Variants in TNFAIP8 observed in about 807,000 individuals in gnomAD.
TNFAIP8 encodes TNF alpha induced protein 8.
TNFAIP8 carries 7 observed loss-of-function variants against 13.3 expected under a neutral mutation model. That is an observed-to-expected ratio of 0.52 (90% CI 0.30 to 0.99). The LOEUF is 0.99. Among genes scored for constraint, TNFAIP8 ranks in the 50% least tolerant of loss-of-function variants. TNFAIP8 has a pLI of 0.07. For missense variants in TNFAIP8, 258 were observed against 236.9 expected (o/e 1.09, Z -0.58); for synonymous variants, 94 against 87.6 (o/e 1.07, Z -0.41).
At chr5:119,271,203 A>G (rs187711727) in intron 1 of TNFAIP8, among the ~76,000 whole-genome samples, 1 of 152,260 alleles carries the variant, frequency 6.6e-6, no homozygotes, top group East Asian at 1.9e-4. Flanking sequence ...AAATGGAGGA[A>G]AGGGTGTGTG....
intron 1 of TNFAIP8, among the ~76,000 whole-genome samples, chr5:119,349,637 G>A (rs942477413): frequency 6.6e-6 from 1 of 152,090 alleles, no homozygotes; most frequent in African/African-American, 2.4e-5. Flanking sequence ...TTTTAATTAA[G>A]GTCCTTACTG....
At chr5:119,314,222 T>C (rs1250764597) in intron 1 of TNFAIP8, among the ~76,000 whole-genome samples, 2 of 152,222 alleles carry the variant, frequency 1.3e-5, no homozygotes, top group African/African-American at 4.8e-5. Context: ...ATGTCTGTCG[T>C]CTGTTTTGTT....
intron 1 of TNFAIP8, among the ~76,000 whole-genome samples, chr5:119,326,767 G>T (rs1166831318): frequency 6.6e-6 from 1 of 152,168 alleles, no homozygotes; most frequent in African/African-American, 2.4e-5. Flanking sequence ...AGAAAGCAGA[G>T]GAGTGTTTTG....
chr5:119,316,954 C>T (rs984533038), intron 1 of TNFAIP8, among the ~76,000 whole-genome samples: 1 of 152,088 alleles, frequency 6.6e-6, no homozygotes, highest in African/African-American at 2.4e-5. Context: ...ATTATGTGGG[C>T]CAAAATATCA....
At chr5:119,368,454 TGTGTGC>T (rs749196628) in intron 1 of TNFAIP8, among the ~76,000 whole-genome samples, 5,153 of 106,650 alleles carry the variant, frequency 0.048, 103 homozygotes, top group Middle Eastern at 0.086. Context: ...TGTGTGTGTG[TGTGTGC>T]GTGTGTGTGT....
At chr5:119,320,532 C>A (rs895713703) in intron 1 of TNFAIP8, among the ~76,000 whole-genome samples, 1 of 152,146 alleles carries the variant, frequency 6.6e-6, no homozygotes, top group Non-Finnish European at 1.5e-5. Flanking sequence ...GCTGCCCCTC[C>A]CCACTCCACT....
intron 1 of TNFAIP8, among the ~76,000 whole-genome samples, chr5:119,327,890 T>G (rs921217169): frequency 8.5e-5 from 13 of 152,184 alleles, no homozygotes; most frequent in African/African-American, 3.1e-4. Flanking sequence ...AGAGATTAAC[T>G]TGAACTCAGA....
At chr5:119,311,582 G>C (rs1749728641) in intron 1 of TNFAIP8, among the ~76,000 whole-genome samples, 1 of 150,454 alleles carries the variant, frequency 6.6e-6, no homozygotes, top group Admixed American at 6.7e-5. Flanking sequence ...CCAGCTACTT[G>C]GGAGGCTGAG....
intron 1 of TNFAIP8, among the ~76,000 whole-genome samples, chr5:119,320,904 G>A (rs1006930771): frequency 8.6e-5 from 13 of 150,306 alleles, no homozygotes; most frequent in South Asian, 2.1e-4. Flanking sequence ...AACAAAAAAC[G>A]AAAAACAAAA....
At chr5:119,303,406 G>A (rs548118395) in intron 1 of TNFAIP8, among the ~76,000 whole-genome samples, 4 of 152,010 alleles carry the variant, frequency 2.6e-5, no homozygotes, top group African/African-American at 4.8e-5. Context: ...CTCATTCCTG[G>A]TACAGTATGA....
At chr5:119,315,705 C>T (rs969494103) in intron 1 of TNFAIP8, among the ~76,000 whole-genome samples, 5 of 152,100 alleles carry the variant, frequency 3.3e-5, no homozygotes, top group Non-Finnish European at 5.9e-5. Context: ...CTGTTCATGA[C>T]CTTGGAGCTT....
chr5:119,294,455 A>C (rs1749099788), intron 1 of TNFAIP8, among the ~76,000 whole-genome samples: 1 of 152,170 alleles, frequency 6.6e-6, no homozygotes, highest in Admixed American at 6.5e-5. Context: ...ATTGTTGGAC[A>C]TTTGGGTTGG....
chr5:119,326,414 A>T (rs1027643211), intron 1 of TNFAIP8, among the ~76,000 whole-genome samples: 2 of 152,166 alleles, frequency 1.3e-5, no homozygotes, highest in Non-Finnish European at 2.9e-5. Context: ...TGATGGAAAG[A>T]ATCCGAGGGG....
intron 1 of TNFAIP8, among the ~76,000 whole-genome samples, chr5:119,312,745 CAAAAAA>C (rs869226026): frequency 2.3e-5 from 1 of 43,356 alleles, no homozygotes; most frequent in African/African-American, 8.2e-5. Flanking sequence ...GCAAAAAATA[CAAAAAA>C]AAAAAAAAAA....
rs1749033062 is a variant in TNFAIP8, at chr5:119,292,685, TACACACACACACA to T, written c.1+23780_1+23792del. Reference sequence around the variant, plus strand: ...ATATATATATATATATATATATATATACACACACACACAATGAAATACTATTTAGCAATAAAAA... The same window carrying T: ...ATATATATATATATATATATATATATATGAAATACTATTTAGCAATAAAAA... On this transcript the variant is annotated intron_variant, in intron 1 of 1. Transcript: ENST00000274456. Among the ~76,000 whole-genome samples, 165 of 52,128 alleles carry T rather than the reference TACACACACACACA, an allele frequency of 3.2e-3. 1 individual carries two copies. Among genetic ancestry groups the T allele is most frequent in the South Asian group, 9.0e-3 (10 of 1,114 alleles). The allele number at this position is 52,128 out of a possible 152,430, so 34.2% of individuals were successfully genotyped here. A position where few individuals can be genotyped will look rare whatever the true frequency, so the allele number is the denominator to read the frequency against.
chr5:119,286,582 C>T (rs1288023128), intron 1 of TNFAIP8, among the ~76,000 whole-genome samples: 1 of 151,486 alleles, frequency 6.6e-6, no homozygotes, highest in Non-Finnish European at 1.5e-5. Flanking sequence ...AGAATGAGCC[C>T]CTGTGCTCCA....
At position 119,362,151 on chromosome 5, in the gene TNFAIP8, C is replaced by T. The variant is rs80113793; in HGVS notation, c.31+6030C>T. Among the ~76,000 whole-genome samples the T allele has an allele frequency of 6.5e-3, 997 of 152,258 alleles. 16 individuals are homozygous for T. The highest frequency in any genetic ancestry group is 0.023 in the African/African-American group (945 of 41,528). ...GGTATTCACCAAAAGTCATGATGGA[C>T]AGAAGTGACTTCAAAGAGGGGTAAC... is the stretch of plus-strand genomic sequence containing the variant. On this transcript the variant is annotated intron_variant, in intron 1 of 1. Transcript: ENST00000504771.
intron 1 of TNFAIP8, among the ~76,000 whole-genome samples, chr5:119,334,733 C>T (rs1055223076): frequency 6.6e-6 from 1 of 151,390 alleles, no homozygotes; most frequent in Non-Finnish European, 1.5e-5. Context: ...GAGAATCGCA[C>T]CACTGCACTC....
chr5:119,299,201 A>G (rs1158608098), intron 1 of TNFAIP8, among the ~76,000 whole-genome samples: 1 of 152,042 alleles, frequency 6.6e-6, no homozygotes, highest in Non-Finnish European at 1.5e-5. Context: ...TAGAGTTTCC[A>G]GTTTTTCTGC....
Sources: allele counts gnomAD v4.1 joint callset (sites outside exome capture counted in the v4.1 genomes callset), GRCh38; gene constraint gnomAD v4.1.1; transcripts MANE v1.5; gene names NCBI Gene and HGNC (gene_info 2026-07-23, HGNC 2026-07-21).